Variants in COP1 observed in about 807,000 individuals in gnomAD.
COP1 encodes the protein COP1 E3 ubiquitin ligase.
Under a neutral mutation model 101.3 loss-of-function variants are expected in COP1, and 24 were observed. That is an observed-to-expected ratio of 0.24 (90% CI 0.17 to 0.33). The LOEUF (loss-of-function observed/expected upper bound fraction) is 0.33. COP1 is among the 10% of genes least tolerant of loss of function. The probability of loss-of-function intolerance (pLI) is 1.00; values close to 1 mark genes in which losing one functional copy is unlikely to be tolerated. For missense variants in COP1, 663 were observed against 906.2 expected (o/e 0.73, Z 3.45); for synonymous variants, 347 against 341.9 (o/e 1.01, Z -0.17).
rs1453800119 is a variant in COP1 at position 176,206,922 on chromosome 1, C to G, written c.57G>C (p.Ser19=). 6.1e-6 allele frequency: 9 copies of G among 1,463,426 alleles called. No individual in the cohort carries two copies. Among genetic ancestry groups the G allele is most frequent in the Admixed American group, 4.9e-5 (2 of 40,842 alleles). 90.7% of individuals were successfully genotyped at this position (1,463,426 alleles called of 1,614,324 possible). A position where few individuals can be genotyped will look rare whatever the true frequency, so the allele number is the denominator to read the frequency against. The change falls in exon 1 of 20, where the codon TCG becomes TCC. Residue 19 remains serine (S), a synonymous_variant. Coordinates refer to ENST00000367669, the MANE Select transcript of COP1 (RefSeq NM_022457.7). The stretch of plus-strand genomic sequence containing the variant: ...AGGCGGAAGTCACCGAGGAGGCCGC[C>G]GAGGACCCGGGGCTTGTCCCAGCGG... The part of the protein sequence containing the change: ...SGSAGTSPGS[S]AASSVTSASS...
chr1:176,035,532 ATTAT>A (rs1669350003), intron 14 of COP1, among the ~76,000 whole-genome samples: 1 of 152,010 alleles, frequency 6.6e-6, no homozygotes, highest in Non-Finnish European at 1.5e-5. Context: ...GGATAGTGAT[ATTAT>A]ATATTAACAA....
intron 9 of COP1, among the ~76,000 whole-genome samples, chr1:176,094,790 T>C (rs1047353105): frequency 3.3e-5 from 5 of 152,126 alleles, no homozygotes; most frequent in Non-Finnish European, 7.4e-5. Flanking sequence ...CTGTAAATTA[T>C]GAAAAATCTT....
intron 15 of COP1, among the ~76,000 whole-genome samples, chr1:176,014,190 T>G (rs1665206121): frequency 6.6e-6 from 1 of 152,198 alleles, no homozygotes; most frequent in South Asian, 2.1e-4. Context: ...TACATCTGAC[T>G]ACTGAGATCA....
intron 1 of COP1, among the ~76,000 whole-genome samples, chr1:176,187,333 C>T (rs1698590489): frequency 6.6e-6 from 1 of 152,004 alleles, no homozygotes; most frequent in Non-Finnish European, 1.5e-5. Flanking sequence ...CACATATACA[C>T]ATATATACAC....
At chr1:176,184,830 G>A (rs907572971) in intron 1 of COP1, 138 bp from the exon 2 acceptor site, 3 of 554,096 alleles carry the variant, frequency 5.4e-6, no homozygotes, top group African/African-American at 3.9e-5. Flanking sequence ...CTATCAATAA[G>A]AGATGAAATT....
At chr1:176,196,497 C>G (rs371521509) in intron 1 of COP1, among the ~76,000 whole-genome samples, 2 of 152,022 alleles carry the variant, frequency 1.3e-5, no homozygotes. Context: ...TTCAGCAACA[C>G]GGGTGTAATG....
At chr1:175,961,695 CAAAAAAA>C (rs3034815) in intron 18 of COP1, among the ~76,000 whole-genome samples, 4 of 69,420 alleles carry the variant, frequency 5.8e-5, no homozygotes, top group South Asian at 5.1e-4. Context: ...GACCCTGTCT[CAAAAAAA>C]AAAAAAAAAA....
At chr1:176,159,575 C>G (rs1344539076) in intron 5 of COP1, among the ~76,000 whole-genome samples, 1 of 152,008 alleles carries the variant, frequency 6.6e-6, no homozygotes, top group Non-Finnish European at 1.5e-5. Flanking sequence ...AAATGCCCAT[C>G]AATAGAATAA....
At chr1:176,159,440 GA>G (rs1185650838) in intron 5 of COP1, among the ~76,000 whole-genome samples, 1 of 152,110 alleles carries the variant, frequency 6.6e-6, no homozygotes, top group Non-Finnish European at 1.5e-5. Context: ...CAAATCCACA[GA>G]AGAGCAATCT....
At chr1:176,025,553 A>G (rs1286085078) in intron 15 of COP1, among the ~76,000 whole-genome samples, 2 of 152,058 alleles carry the variant, frequency 1.3e-5, no homozygotes, top group African/African-American at 4.8e-5. Context: ...ATTGACCAGA[A>G]AAGTCCAGAA....
chr1:175,996,777 T>C (rs1263415658), intron 15 of COP1, among the ~76,000 whole-genome samples: 3 of 152,274 alleles, frequency 2.0e-5, no homozygotes, highest in Middle Eastern at 3.4e-3. Context: ...GAACATTCCA[T>C]GCTCATGGGT....
chr1:176,092,693 C>T (rs1297780212), intron 9 of COP1, among the ~76,000 whole-genome samples: 1 of 152,090 alleles, frequency 6.6e-6, no homozygotes, highest in Non-Finnish European at 1.5e-5. Context: ...TTTTAAAGTC[C>T]AACAATACTA....
intron 15 of COP1, among the ~76,000 whole-genome samples, chr1:176,014,432 T>C (rs971002000): frequency 6.6e-6 from 1 of 152,230 alleles, no homozygotes; most frequent in East Asian, 1.9e-4. Flanking sequence ...ATGGAAGTCA[T>C]TCATTTATTT....
chr1:176,203,056 G>A (rs1038103767), intron 1 of COP1, among the ~76,000 whole-genome samples: 4 of 151,758 alleles, frequency 2.6e-5, no homozygotes, highest in African/African-American at 4.8e-5. Context: ...CAACCTTCTC[G>A]GCCGGGCGCG....
intron 11 of COP1, among the ~76,000 whole-genome samples, chr1:176,075,998 C>T (rs1268178473): frequency 1.6e-5 from 1 of 63,264 alleles, no homozygotes; most frequent in African/African-American, 6.3e-5. Flanking sequence ...CGCAAAACTC[C>T]ATCTCAAAAA....
At chr1:176,139,468 T>C (rs1164971138) in intron 6 of COP1, among the ~76,000 whole-genome samples, 10 of 152,078 alleles carry the variant, frequency 6.6e-5, no homozygotes. Context: ...ATTGAGTATA[T>C]ATCCAAAAGA....
chr1:176,084,221 C>G (rs1472649728), intron 10 of COP1, among the ~76,000 whole-genome samples: 1 of 152,136 alleles, frequency 6.6e-6, no homozygotes, highest in African/African-American at 2.4e-5. Flanking sequence ...TTCAACTTAA[C>G]AACTCCCAAA....
At chr1:176,086,864 C>T (rs371116201) in intron 9 of COP1, among the ~76,000 whole-genome samples, 1 of 152,146 alleles carries the variant, frequency 6.6e-6, no homozygotes, top group Admixed American at 6.5e-5. Flanking sequence ...AACTATACTA[C>T]AAGGCTACAG....
rs141942987 is a variant in COP1 at position 176,132,550 on chromosome 1, C to T, written c.968+2460G>A. Among the ~76,000 whole-genome samples the T allele has an allele frequency of 2.4e-3, 353 of 148,372 alleles. 2 individuals are homozygous for T. Among genetic ancestry groups the T allele is most frequent in the African/African-American group, 8.3e-3 (337 of 40,378 alleles). On this transcript the variant is annotated intron_variant, in intron 8 of 19. Transcript: ENST00000367669. ...ACACACATATATGAATATATACACA[C>T]ATATACACATATGTACGTATATATA...
Sources: gnomAD v4.1 joint callset for allele counts (sites outside exome capture counted in the v4.1 genomes callset) on GRCh38, gnomAD v4.1.1 for gene constraint, MANE v1.5 for transcripts, NCBI Gene and HGNC (gene_info 2026-07-23, HGNC 2026-07-21) for gene names.